The following DLGAP1 variants were observed in gnomAD, a reference collection of about 807,000 sequenced individuals.
DLGAP1 encodes the protein DLG associated protein 1.
In DLGAP1, 11 loss-of-function variants were observed where a neutral mutation model predicts 90.8. That is an observed-to-expected ratio of 0.12 (90% CI 0.08 to 0.20). DLGAP1 has a LOEUF of 0.20. DLGAP1 is among the 10% of genes least tolerant of loss of function. The pLI, the probability that DLGAP1 is intolerant of heterozygous loss-of-function variation, is 1.00. For synonymous variants in DLGAP1, 558 were observed against 540.7 expected, an observed-to-expected ratio of 1.03 and a Z score of -0.44; for missense variants, 1,050 against 1,333.8, an observed-to-expected ratio of 0.79 and a Z score of 3.31.
intron 8 of DLGAP1, chr18:3,580,894 G>A (rs2055464444): frequency 1.2e-6 from 1 of 859,332 alleles, no homozygotes; most frequent in African/African-American, 1.7e-5. Flanking sequence ...CGTCTGCCCT[G>A]AGCTGCCAGT....
intron 1 of DLGAP1, among the ~76,000 whole-genome samples, chr18:4,305,980 A>G (rs950700095): frequency 2.0e-5 from 3 of 151,236 alleles, no homozygotes; most frequent in African/African-American, 7.3e-5. Context: ...TATCAGTCTC[A>G]TTAATGAAAC....
chr18:4,307,709 CTTTTT>C (rs34193366), intron 1 of DLGAP1, among the ~76,000 whole-genome samples: 2 of 107,208 alleles, frequency 1.9e-5, no homozygotes, highest in Non-Finnish European at 3.8e-5. Flanking sequence ...TGAGGGTTTA[CTTTTT>C]TTTTTTTTTT....
intron 1 of DLGAP1, among the ~76,000 whole-genome samples, chr18:4,428,181 T>G (rs1041709066): frequency 2.6e-5 from 4 of 152,080 alleles, no homozygotes; most frequent in Admixed American, 2.6e-4. Context: ...TGGGGCCTGG[T>G]GGGAGGTGAG....
intron 1 of DLGAP1, among the ~76,000 whole-genome samples, chr18:4,263,670 AAAAGAAAAATAAATGGATAAAT>A (rs1361287103): frequency 2.0e-5 from 3 of 152,242 alleles, no homozygotes; most frequent in African/African-American, 7.2e-5. Flanking sequence ...TTCAATATTT[AAAAGAAAAATAAATGGATAAAT>A]GTGCAATTAA....
chr18:4,137,006 C>T (rs1391426971), intron 2 of DLGAP1, among the ~76,000 whole-genome samples: 2 of 152,046 alleles, frequency 1.3e-5, no homozygotes, highest in East Asian at 1.9e-4. Flanking sequence ...CCCATTAACT[C>T]GTCATTTAAC....
chr18:3,657,426 T>C (rs1291582652), intron 7 of DLGAP1, among the ~76,000 whole-genome samples: 1 of 152,212 alleles, frequency 6.6e-6, no homozygotes, highest in Non-Finnish European at 1.5e-5. Flanking sequence ...CAATGGTGTC[T>C]GGTCCAACGT....
At chr18:3,659,738 G>A (rs907890206) in intron 7 of DLGAP1, among the ~76,000 whole-genome samples, 1 of 151,972 alleles carries the variant, frequency 6.6e-6, no homozygotes, top group South Asian at 2.1e-4. Flanking sequence ...GCTAAGTTTC[G>A]TATTTTTAGT....
intron 7 of DLGAP1, among the ~76,000 whole-genome samples, chr18:3,702,978 AC>A (rs2061329477): frequency 6.6e-6 from 1 of 152,204 alleles, no homozygotes; most frequent in Admixed American, 6.5e-5. Flanking sequence ...ACTTGCTAGG[AC>A]AAAGGCAAGC....
intron 1 of DLGAP1, among the ~76,000 whole-genome samples, chr18:4,230,692 C>CAACCATCAT (rs2078281531): frequency 6.8e-6 from 1 of 147,800 alleles, no homozygotes; most frequent in Non-Finnish European, 1.5e-5. Context: ...GAAAGAATGA[C>CAACCATCAT]TAAGATCTAG....
At chr18:3,927,736 GA>G (rs1182397709) in intron 3 of DLGAP1, among the ~76,000 whole-genome samples, 1 of 152,150 alleles carries the variant, frequency 6.6e-6, no homozygotes, top group Admixed American at 6.5e-5. Flanking sequence ...ATGGTAAACT[GA>G]TGGAAATACC....
At chr18:3,964,443 A>G (rs552715378) in intron 3 of DLGAP1, among the ~76,000 whole-genome samples, 9 of 152,238 alleles carry the variant, frequency 5.9e-5, no homozygotes, top group African/African-American at 2.2e-4. Flanking sequence ...TTGGTTTTGC[A>G]TTTGCAGTGT....
chr18:3,794,297 T>G (rs1177785840), intron 5 of DLGAP1, among the ~76,000 whole-genome samples: 1 of 152,192 alleles, frequency 6.6e-6, no homozygotes, highest in Admixed American at 6.5e-5. Context: ...GCAGGAAACT[T>G]GTTAGCTAGG....
At chr18:4,134,675 G>C (rs367874423) in intron 2 of DLGAP1, among the ~76,000 whole-genome samples, 2 of 152,096 alleles carry the variant, frequency 1.3e-5, no homozygotes, top group African/African-American at 4.8e-5. Flanking sequence ...TCCCAAAGGA[G>C]ATTAAAATGC....
chr18:4,142,959 C>T (rs2076520161), intron 2 of DLGAP1, among the ~76,000 whole-genome samples: 1 of 152,102 alleles, frequency 6.6e-6, no homozygotes, highest in Non-Finnish European at 1.5e-5. Context: ...TTACTTTCTC[C>T]CAAACAAACA....
intron 8 of DLGAP1, among the ~76,000 whole-genome samples, chr18:3,569,354 T>C (rs1014879980): frequency 6.6e-6 from 1 of 151,934 alleles, no homozygotes; most frequent in East Asian, 2.0e-4. Context: ...GTTCATATCC[T>C]TTACTAGTCT....
intron 1 of DLGAP1, among the ~76,000 whole-genome samples, chr18:4,335,818 G>A (rs2081056009): frequency 6.6e-6 from 1 of 152,158 alleles, no homozygotes; most frequent in Non-Finnish European, 1.5e-5. Flanking sequence ...TTGAAAGACT[G>A]CGTTAGAAAA....
At chr18:3,691,766 G>GTTA (rs1484656731) in intron 7 of DLGAP1, among the ~76,000 whole-genome samples, 1 of 151,864 alleles carries the variant, frequency 6.6e-6, no homozygotes, top group African/African-American at 2.4e-5. Context: ...GAAAAAAAGA[G>GTTA]TTAGCTGAGA....
At chr18:3,749,194 G>T in intron 5 of DLGAP1, among the ~76,000 whole-genome samples, 1 of 138,522 alleles carries the variant, frequency 7.2e-6, no homozygotes, top group Non-Finnish European at 1.5e-5. Context: ...CTGTTGCCCA[G>T]GCTGGAGTGC....
At chr18:3,916,977 C>G (rs2072159106) in intron 3 of DLGAP1, among the ~76,000 whole-genome samples, 1 of 152,144 alleles carries the variant, frequency 6.6e-6, no homozygotes, top group East Asian at 1.9e-4. Flanking sequence ...AAAACTGTAC[C>G]TTGAGTACCC....
Sources: gnomAD v4.1 joint callset for allele counts (sites outside exome capture counted in the v4.1 genomes callset) on GRCh38, gnomAD v4.1.1 for gene constraint, MANE v1.5 for transcripts, NCBI Gene and HGNC (gene_info 2026-07-23, HGNC 2026-07-21) for gene names.